The following TMEM135 variants were observed in gnomAD, a reference collection of about 807,000 sequenced individuals.
TMEM135 encodes transmembrane protein 135.
TMEM135 carries 30 observed loss-of-function variants against 60.3 expected under a neutral mutation model. That is an observed-to-expected ratio of 0.50 (90% CI 0.37 to 0.68). TMEM135 has a LOEUF of 0.68. Among genes scored for constraint, TMEM135 ranks in the 30% least tolerant of loss-of-function variants. The probability of loss-of-function intolerance (pLI) is 0.00; values close to 1 mark genes in which losing one functional copy is unlikely to be tolerated. For missense variants in TMEM135, 468 were observed against 548.8 expected, an observed-to-expected ratio of 0.85 and a Z score of 1.47; for synonymous variants, 190 against 186.7, an observed-to-expected ratio of 1.02 and a Z score of -0.14.
At chr11:87,240,820 G>A (rs549115149) in intron 6 of TMEM135, among the ~76,000 whole-genome samples, 23 of 152,186 alleles carry the variant, frequency 1.5e-4, no homozygotes, top group African/African-American at 5.3e-4. Context: ...GTAAGTACCA[G>A]CTAGAAATTC....
chr11:87,145,945 T>G (rs540542519), intron 4 of TMEM135, among the ~76,000 whole-genome samples: 17 of 152,358 alleles, frequency 1.1e-4, no homozygotes, highest in African/African-American at 3.8e-4. Context: ...AATTCCCATT[T>G]GTCTATTTTT....
intron 6 of TMEM135, among the ~76,000 whole-genome samples, chr11:87,247,061 C>T (rs189164266): frequency 0.018 from 2,658 of 147,728 alleles, 46 homozygotes; most frequent in Non-Finnish European, 0.028. Flanking sequence ...TGTTAGTTTT[C>T]CTTCTAACAG....
At position 87,043,100 on chromosome 11, in the gene TMEM135, T is replaced by TA. The variant is rs573238607; in HGVS notation, c.141+4915dup. On this transcript the variant is annotated intron_variant, in intron 1 of 14. Coordinates refer to ENST00000305494, the MANE Select transcript of TMEM135 (RefSeq NM_022918.4). Reference sequence around the variant, plus strand: ...CCTCCCGAGTAGCTGGGATTACAGGTATGCACCACCACGCCCGGCTAATTT... The same window carrying TA: ...CCTCCCGAGTAGCTGGGATTACAGGTAATGCACCACCACGCCCGGCTAATTT... Among the ~76,000 whole-genome samples, 290 of 151,416 alleles carry TA rather than the reference T, an allele frequency of 1.9e-3. 2 individuals carry two copies. Among genetic ancestry groups the TA allele is most frequent in the Admixed American group, 4.2e-3 (64 of 15,216 alleles).
chr11:87,310,823 C>A (rs944221974), intron 10 of TMEM135, among the ~76,000 whole-genome samples: 3 of 151,780 alleles, frequency 2.0e-5, no homozygotes, highest in Non-Finnish European at 2.9e-5. Context: ...AAATTGCTCA[C>A]TTTTGCCTTA....
intron 12 of TMEM135, among the ~76,000 whole-genome samples, chr11:87,317,017 T>G (rs903814207): frequency 2.0e-5 from 3 of 151,992 alleles, no homozygotes; most frequent in Non-Finnish European, 2.9e-5. Context: ...TACTGTACAG[T>G]GAAAATGATA....
intron 4 of TMEM135, among the ~76,000 whole-genome samples, chr11:87,115,068 G>T (rs1454414811): frequency 6.6e-6 from 1 of 152,116 alleles, no homozygotes. Flanking sequence ...CTATGTAAGA[G>T]AAGCTCTAGT....
chr11:87,239,363 A>T (rs998631251), intron 6 of TMEM135, among the ~76,000 whole-genome samples: 11 of 152,118 alleles, frequency 7.2e-5, no homozygotes, highest in Non-Finnish European at 1.5e-4. Flanking sequence ...CAAACAATTT[A>T]TAAAGTATTA....
At chr11:87,304,729 G>A (rs1461200231) in intron 8 of TMEM135, among the ~76,000 whole-genome samples, 1 of 152,332 alleles carries the variant, frequency 6.6e-6, no homozygotes, top group East Asian at 1.9e-4. Flanking sequence ...TGCAGAGCCA[G>A]AACATTGCTC....
chr11:87,321,261 T>G lies in TMEM135; in HGVS notation c.1305T>G (p.Phe435Leu). Reference sequence around the variant, plus strand: ...TTGGTACTGGTGCATCTAAACACTTTCAGGATTTCATCCCCAGGTTGGATC... The same window carrying G: ...TTGGTACTGGTGCATCTAAACACTTGCAGGATTTCATCCCCAGGTTGGATC... ...DVFGTGASKHFQDFIPRLDPR... is the reference protein window; with the variant it reads ...DVFGTGASKHLQDFIPRLDPR... Residue 435 changes from phenylalanine to leucine, a missense_variant, in exon 15 of 15, where the codon TTT (phenylalanine) becomes TTG (leucine). By Grantham distance (22) the Phe-to-Leu change is conservative (BLOSUM62 0). Coordinates refer to ENST00000305494, the MANE Select transcript of TMEM135 (RefSeq NM_022918.4). The G allele has an allele frequency of 3.1e-6, 5 of 1,613,750 alleles. No individual in the cohort carries two copies. The highest frequency in any genetic ancestry group is 4.2e-6 in the Non-Finnish European group (5 of 1,179,718).
intron 5 of TMEM135, among the ~76,000 whole-genome samples, chr11:87,184,631 CCT>C (rs974616086): frequency 1.3e-5 from 2 of 151,996 alleles, no homozygotes; most frequent in East Asian, 1.9e-4. Context: ...AAGATGCCCC[CCT>C]CTTTTTTTCC....
intron 7 of TMEM135, among the ~76,000 whole-genome samples, chr11:87,298,812 G>A (rs1356377897): frequency 3.8e-5 from 4 of 106,200 alleles, no homozygotes; most frequent in African/African-American, 1.4e-4. Context: ...AAACAGCCGG[G>A]CACAGTGGCT....
intron 6 of TMEM135, among the ~76,000 whole-genome samples, chr11:87,293,459 G>A (rs959107615): frequency 6.6e-6 from 1 of 151,820 alleles, no homozygotes. Context: ...GTATACGTGT[G>A]CCATGGTGGT....
At chr11:87,210,510 G>C (rs1018884802) in intron 5 of TMEM135, among the ~76,000 whole-genome samples, 1 of 152,020 alleles carries the variant, frequency 6.6e-6, no homozygotes, top group Non-Finnish European at 1.5e-5. Flanking sequence ...TCCCAAAATT[G>C]AATCAGTAAT....
At chr11:87,202,167 A>G (rs573483728) in intron 5 of TMEM135, among the ~76,000 whole-genome samples, 1 of 152,138 alleles carries the variant, frequency 6.6e-6, no homozygotes, top group African/African-American at 2.4e-5. Context: ...CTGGGACTAC[A>G]GGAGTGCACC....
intron 12 of TMEM135, 149 bp downstream of exon 12, chr11:87,314,696 TTG>T: frequency 1.2e-5 from 8 of 675,488 alleles, no homozygotes; most frequent in East Asian, 5.7e-5. Flanking sequence ...GTGTTTTTCT[TTG>T]TGTGTGTGTT....
Position 87,223,663 on chromosome 11 carries a change from G to GCACACACACACACA in TMEM135, c.463-12972_463-12971insACACACACACACAC, listed in dbSNP as rs1320732136. ...CTGTCTCTACTAAAAATACGCACATGCACGCACACACACACACACACACAC... is the reference window on the plus strand; with the variant it reads ...CTGTCTCTACTAAAAATACGCACATGCACACACACACACACACGCACACACACACACACACACAC... On this transcript the variant is annotated intron_variant, in intron 5 of 14. Coordinates refer to ENST00000305494, the MANE Select transcript of TMEM135 (RefSeq NM_022918.4). Among the ~76,000 whole-genome samples, 355 of 130,946 alleles carry GCACACACACACACA rather than the reference G, an allele frequency of 2.7e-3. 5 individuals carry two copies. Among genetic ancestry groups the GCACACACACACACA allele is most frequent in the African/African-American group, 8.5e-3 (285 of 33,536 alleles). The allele number at this position is 130,946 out of a possible 152,430, so 85.9% of individuals were successfully genotyped here.
chr11:87,148,027 A>T (rs533275778), intron 4 of TMEM135, among the ~76,000 whole-genome samples: 1 of 152,208 alleles, frequency 6.6e-6, no homozygotes, highest in Non-Finnish European at 1.5e-5. Flanking sequence ...AAGTGCTGGG[A>T]TTACAGGCGT....
chr11:87,264,109 A>G (rs888631649), intron 6 of TMEM135, among the ~76,000 whole-genome samples: 4 of 151,970 alleles, frequency 2.6e-5, no homozygotes, highest in Non-Finnish European at 4.4e-5. Flanking sequence ...TTATCTTTCT[A>G]TTTGAAATAG....
intron 4 of TMEM135, among the ~76,000 whole-genome samples, chr11:87,099,277 T>C (rs762219512): frequency 6.6e-6 from 1 of 152,146 alleles, no homozygotes; most frequent in African/African-American, 2.4e-5. Flanking sequence ...TTTGATATTA[T>C]TGATGTTGGA....
Sources: gnomAD v4.1 joint callset for allele counts (sites outside exome capture counted in the v4.1 genomes callset) on GRCh38, gnomAD v4.1.1 for gene constraint, MANE v1.5 for transcripts, NCBI Gene and HGNC (gene_info 2026-07-23, HGNC 2026-07-21) for gene names.